Variants in NEURL1 observed in about 807,000 individuals in gnomAD.
The protein encoded by NEURL1 is neuralized E3 ubiquitin protein ligase 1.
A neutral mutation model predicts 41.2 loss-of-function variants in NEURL1; 26 were observed. The ratio of observed to expected loss-of-function variants is 0.63; its 90% CI spans 0.46 to 0.87. The LOEUF is 0.87. Among genes scored for constraint, NEURL1 ranks in the 40% least tolerant of loss-of-function variants. The pLI, the probability that NEURL1 is intolerant of heterozygous loss-of-function variation, is 0.00. For synonymous variants in NEURL1, 400 were observed against 402.3 expected, an observed-to-expected ratio of 0.99 and a Z score of 0.07; for missense variants, 761 against 871.1, an observed-to-expected ratio of 0.87 and a Z score of 1.59.
chr10:103,520,005 C>T (rs1401110660), intron 1 of NEURL1, among the ~76,000 whole-genome samples: 1 of 151,998 alleles, frequency 6.6e-6, no homozygotes, highest in African/African-American at 2.4e-5. Context: ...GCTGGTCTCA[C>T]ACTCCTAGCC....
chr10:103,572,004 G>A (rs11191732), intron 3 of NEURL1, among the ~76,000 whole-genome samples, 182 bp downstream of exon 3: 21,896 of 152,200 alleles, frequency 0.14, 2,017 homozygotes, highest in Non-Finnish European at 0.2. Context: ...CTCCAGGCCC[G>A]TGGCTTTGCA....
At chr10:103,524,577 G>A (rs1000248726) in intron 1 of NEURL1, among the ~76,000 whole-genome samples, 5 of 151,950 alleles carry the variant, frequency 3.3e-5, no homozygotes, top group African/African-American at 1.2e-4. Flanking sequence ...TATGGTTTTG[G>A]GTCTTACATT....
At chr10:103,547,367 A>T (rs1301536593) in intron 1 of NEURL1, among the ~76,000 whole-genome samples, 1 of 152,222 alleles carries the variant, frequency 6.6e-6, no homozygotes, top group African/African-American at 2.4e-5. Context: ...GGGGTCCTGT[A>T]CTGTCACTTT....
intron 1 of NEURL1, among the ~76,000 whole-genome samples, chr10:103,526,572 C>A (rs561621284): frequency 2.6e-5 from 4 of 152,096 alleles, no homozygotes; most frequent in Admixed American, 1.3e-4. Context: ...AGTGCAGTGG[C>A]ACGATGTCAG....
At chr10:103,542,776 C>G (rs574944807) in intron 1 of NEURL1, among the ~76,000 whole-genome samples, 3 of 152,320 alleles carry the variant, frequency 2.0e-5, no homozygotes, top group Admixed American at 6.5e-5. Context: ...ACCTCCTGTG[C>G]TTCCTGGGAA....
At chr10:103,552,573 A>G (rs2133868326) in intron 1 of NEURL1, among the ~76,000 whole-genome samples, 1 of 152,318 alleles carries the variant, frequency 6.6e-6, no homozygotes, top group South Asian at 2.1e-4. Flanking sequence ...CCTTTCTTTC[A>G]GACCCTTTTT....
rs1592248505 is a variant in NEURL1, at chr10:103,590,477, T to C, written c.*105T>C. 3.5e-6 allele frequency: 3 copies of C among 865,126 alleles called. No homozygotes were observed. In the East Asian group the frequency reaches 7.7e-5, roughly 22 times the overall value. The allele number at this position is 865,126 out of a possible 1,614,324, so 53.6% of individuals were successfully genotyped here. On this transcript the variant is annotated 3_prime_UTR_variant, in exon 6 of 6. Transcript: ENST00000369780. ...CCCTTCTCTTCCTCATTTTGGAAACTTTTCCTCCTCTATTAAACATGGGAA... is the reference window on the plus strand; with the variant it reads ...CCCTTCTCTTCCTCATTTTGGAAACCTTTCCTCCTCTATTAAACATGGGAA...
At chr10:103,506,443 C>T (rs151100777) in intron 1 of NEURL1, among the ~76,000 whole-genome samples, 282 of 152,314 alleles carry the variant, frequency 1.9e-3, no homozygotes, top group African/African-American at 6.5e-3. Context: ...GAGGTGAGTA[C>T]TGGGCATGGT....
chr10:103,545,068 A>G lies in NEURL1; in HGVS notation c.86-25804A>G, dbSNP rs529503720. 2.6e-5 allele frequency among the ~76,000 whole-genome samples: 4 copies of G among 152,332 alleles called. No homozygotes were observed. The highest frequency in any genetic ancestry group is 9.6e-5 in the African/African-American group (4 of 41,588). ...TGTCGGGGGACAGGAGCCTGAGAGA[A>G]GTTACTGGAAAGGGAAGAAAGGAAG... is the stretch of plus-strand genomic sequence containing the variant. On this transcript the variant is annotated intron_variant, in intron 1 of 5. Coordinates refer to ENST00000369780, the MANE Select transcript of NEURL1 (RefSeq NM_004210.5). The surrounding 1 kb of genome is among the most constrained non-coding windows in gnomAD (Gnocchi z 4.5).
At chr10:103,533,888 C>G (rs2034636257) in intron 1 of NEURL1, among the ~76,000 whole-genome samples, 1 of 151,554 alleles carries the variant, frequency 6.6e-6, no homozygotes, top group Non-Finnish European at 1.5e-5. Flanking sequence ...TCAGGCTGGT[C>G]TTGAACTTCT....
rs766683400 is a variant in NEURL1, at chr10:103,494,359, G to T, written c.-29G>T. The T allele has an allele frequency of 3.2e-6, 5 of 1,553,336 alleles. No homozygotes were observed. The highest frequency in any genetic ancestry group is 1.7e-6 in the Non-Finnish European group (2 of 1,146,566). On this transcript the variant is annotated 5_prime_UTR_variant, in exon 1 of 6. Coordinates refer to ENST00000369780, the MANE Select transcript of NEURL1 (RefSeq NM_004210.5). ...CCTGCCCGGCCTCGCCCCCACCCGC[G>T]AGCGCCGAACCTCCTGGGGCCGGAT... is the stretch of plus-strand genomic sequence containing the variant.
Position 103,591,344 on chromosome 10 carries a change from G to A in NEURL1, c.*972G>A, listed in dbSNP as rs2036041553. The A allele has an allele frequency of 6.6e-6, 1 of 152,596 alleles. No individual in the cohort carries two copies. Among genetic ancestry groups the A allele is most frequent in the African/African-American group, 2.4e-5 (1 of 41,460 alleles). 9.5% of individuals were successfully genotyped at this position (152,596 alleles called of 1,614,324 possible). A position where few individuals can be genotyped will look rare whatever the true frequency, so the allele number is the denominator to read the frequency against. ...CCTGGGATGGGCCAGGGCCCTGGGT[G>A]GGGAGGTGTGGGTTCCCTGGGCCAA... On this transcript the variant is annotated 3_prime_UTR_variant, in exon 6 of 6. Transcript: ENST00000369780.
At chr10:103,553,174 C>T (rs1484423762) in intron 1 of NEURL1, among the ~76,000 whole-genome samples, 1 of 152,176 alleles carries the variant, frequency 6.6e-6, no homozygotes, top group Non-Finnish European at 1.5e-5. Flanking sequence ...CCTCAATTTC[C>T]TCATCTGTAA....
intron 5 of NEURL1, among the ~76,000 whole-genome samples, 166 bp downstream of exon 5, chr10:103,589,826 G>C (rs763530063): frequency 2.0e-5 from 3 of 152,240 alleles, no homozygotes; most frequent in Non-Finnish European, 2.9e-5. Flanking sequence ...TAGCTGGGCA[G>C]TGCCAAAGGG....
intron 1 of NEURL1, among the ~76,000 whole-genome samples, chr10:103,498,674 T>C (rs1369338035): frequency 6.6e-6 from 1 of 152,188 alleles, no homozygotes; most frequent in Non-Finnish European, 1.5e-5. Context: ...GGAAATGCCA[T>C]GCCCATTAAG....
At chr10:103,523,027 A>T (rs2034388694) in intron 1 of NEURL1, among the ~76,000 whole-genome samples, 1 of 152,008 alleles carries the variant, frequency 6.6e-6, no homozygotes. Flanking sequence ...TATACATTTT[A>T]TGGGGTACAG....
At position 103,592,541 on chromosome 10, in the gene NEURL1, G is replaced by T. The variant is rs138131303; in HGVS notation, c.*2169G>T. The T allele has an allele frequency of 6.5e-6, 1 of 152,894 alleles. No individual in the cohort carries two copies. Among genetic ancestry groups the T allele is most frequent in the African/African-American group, 2.4e-5 (1 of 41,552 alleles). The allele number at this position is 152,894 out of a possible 1,614,324, so 9.5% of individuals were successfully genotyped here. ...TGTGATTGTGAATAAAAGTGATTTC[G>T]TACCAGCCTGAGGGCGGTGCTGTGC... On this transcript the variant is annotated 3_prime_UTR_variant, in exon 6 of 6. Transcript: ENST00000369780. This position sits in a 1 kb window ranked among gnomAD's most constrained non-coding sequence, Gnocchi z 4.8.
intron 4 of NEURL1, among the ~76,000 whole-genome samples, chr10:103,585,606 G>C (rs927972319): frequency 6.6e-6 from 1 of 152,108 alleles, no homozygotes; most frequent in Non-Finnish European, 1.5e-5. Flanking sequence ...AGGCCGAGGC[G>C]GGCGAATCAT....
chr10:103,574,092 T>G (rs1450598815), intron 3 of NEURL1, among the ~76,000 whole-genome samples: 1 of 150,830 alleles, frequency 6.6e-6, no homozygotes, highest in South Asian at 2.1e-4. Context: ...TAGGGGAGAG[T>G]AGTCAGGGGC....
Sources: allele counts gnomAD v4.1 joint callset (sites outside exome capture counted in the v4.1 genomes callset), GRCh38; gene constraint gnomAD v4.1.1; non-coding constraint Gnocchi (gnomAD v3.1); transcripts MANE v1.5; gene names NCBI Gene and HGNC (gene_info 2026-07-23, HGNC 2026-07-21).